TUBGCP3: variants seen among roughly 807,000 people sequenced by gnomAD.
TUBGCP3 encodes the protein gamma-tubulin complex component 3.
In TUBGCP3, 50 loss-of-function variants were observed where a neutral mutation model predicts 123.1. The ratio of observed to expected loss-of-function variants is 0.41; its 90% confidence interval spans 0.32 to 0.51. The LOEUF (loss-of-function observed/expected upper bound fraction) is 0.51. Ranked by LOEUF, TUBGCP3 falls within the 20% of genes least tolerant of loss-of-function variation. The probability of loss-of-function intolerance (pLI) is 0.36; values close to 1 mark genes in which losing one functional copy is unlikely to be tolerated. For synonymous variants in TUBGCP3, 405 were observed against 413.9 expected (o/e 0.98, Z 0.26); for missense variants, 882 against 1,127.0 (o/e 0.78, Z 3.11).
intron 1 of TUBGCP3, among the ~76,000 whole-genome samples, chr13:112,575,901 A>AC (rs1176706863): frequency 6.6e-6 from 1 of 152,054 alleles, no homozygotes; most frequent in Non-Finnish European, 1.5e-5. Context: ...GCGACGCAGC[A>AC]CCCCCCAGAG....
At chr13:112,531,086 T>C (rs1289496358) in intron 11 of TUBGCP3, among the ~76,000 whole-genome samples, 4 of 152,252 alleles carry the variant, frequency 2.6e-5, no homozygotes, top group Admixed American at 6.5e-5. Flanking sequence ...CACAGAAATC[T>C]ACTTCCAAGA....
intron 8 of TUBGCP3, among the ~76,000 whole-genome samples, chr13:112,550,615 T>C (rs960312459): frequency 1.3e-5 from 2 of 152,178 alleles, no homozygotes; most frequent in Admixed American, 6.5e-5. Context: ...TGCGGTAACG[T>C]AGGGCAAGCG....
rs1876869452 is a variant in TUBGCP3 at position 112,524,300 on chromosome 13, G to T, written c.1556-1791C>A. On this transcript the variant is annotated intron_variant, in intron 13 of 21. Coordinates refer to ENST00000261965, the MANE Select transcript of TUBGCP3 (RefSeq NM_006322.6). This position sits in a 1 kb window ranked among gnomAD's most constrained non-coding sequence, Gnocchi z 4.4. ...TTTTTTAGTGGCTGCCTTTTTTTAA[G>T]TGTTTTTGATCCTCAGTTGATTGAA... Among the ~76,000 whole-genome samples the T allele has an allele frequency of 6.6e-6, 1 of 152,036 alleles. No homozygotes were observed. Among genetic ancestry groups the T allele is most frequent in the Non-Finnish European group, 1.5e-5 (1 of 68,010 alleles).
At chr13:112,573,431 G>C (rs1409327818) in intron 1 of TUBGCP3, among the ~76,000 whole-genome samples, 1 of 152,038 alleles carries the variant, frequency 6.6e-6, no homozygotes, top group African/African-American at 2.4e-5. Context: ...ACCTGGAGTG[G>C]AATAAATGTC....
chr13:112,589,629 C>G (rs1882834100), upstream of TUBGCP3, among the ~76,000 whole-genome samples: 1 of 152,168 alleles, frequency 6.6e-6, no homozygotes, highest in African/African-American at 2.4e-5. Context: ...GATTTTTAAC[C>G]TTTTCTAGTC....
In TUBGCP3 at chr13:112,503,620, G is replaced by A. The variant is rs144612742; in HGVS notation, c.2307+412C>T. 8.6e-5 allele frequency among the ~76,000 whole-genome samples: 13 copies of A among 151,996 alleles called. No homozygotes were observed. In the East Asian group the frequency reaches 9.7e-4, roughly 11 times the overall value. On this transcript the variant is annotated intron_variant, in intron 19 of 21. Transcript: ENST00000261965. ...CGACCTCAGGTGATCCACCCGCCTC[G>A]GCCTCCCAAAGTGCTGGGATTACAA... is the stretch of plus-strand genomic sequence containing the variant.
At chr13:112,563,791 C>A (rs1455681562) in intron 3 of TUBGCP3, among the ~76,000 whole-genome samples, 1 of 151,374 alleles carries the variant, frequency 6.6e-6, no homozygotes. Flanking sequence ...AGGAGAATGG[C>A]GTGAACCCAG....
intron 1 of TUBGCP3, among the ~76,000 whole-genome samples, chr13:112,570,825 T>C (rs1037018265): frequency 1.3e-5 from 2 of 152,248 alleles, no homozygotes; most frequent in African/African-American, 2.4e-5. Flanking sequence ...CACTGTTTTA[T>C]CAACTAAGTT....
chr13:112,579,466 C>T (rs764326329), intron 1 of TUBGCP3, among the ~76,000 whole-genome samples: 7 of 135,764 alleles, frequency 5.2e-5, no homozygotes, highest in South Asian at 2.4e-4. Flanking sequence ...GCTGAGTGCC[C>T]GCGGGGCCAC....
intron 4 of TUBGCP3, among the ~76,000 whole-genome samples, chr13:112,558,740 G>T (rs1245142986): frequency 6.6e-6 from 1 of 152,120 alleles, no homozygotes; most frequent in Non-Finnish European, 1.5e-5. Flanking sequence ...CATCTATATG[G>T]TTTACATGTA....
intron 20 of TUBGCP3, among the ~76,000 whole-genome samples, chr13:112,492,575 G>A (rs1880170971): frequency 6.7e-6 from 1 of 149,442 alleles, no homozygotes; most frequent in South Asian, 2.1e-4. Flanking sequence ...AGGGCCTGGT[G>A]TGTCTGAGAC....
chr13:112,599,637 C>T, the TUBGCP3 span, among the ~76,000 whole-genome samples: 13 of 152,098 alleles, frequency 8.5e-5, no homozygotes, highest in Admixed American at 3.9e-4. Context: ...CTCCTGAGTA[C>T]CTGGGACTAC....
intron 17 of TUBGCP3, among the ~76,000 whole-genome samples, chr13:112,514,861 T>C (rs2139042319): frequency 6.6e-6 from 1 of 152,320 alleles, no homozygotes; most frequent in Non-Finnish European, 1.5e-5. Context: ...GCATTATTTA[T>C]ATCGGCAAAA....
At chr13:112,551,023 T>C (rs574428409) in intron 8 of TUBGCP3, among the ~76,000 whole-genome samples, 200 of 151,766 alleles carry the variant, frequency 1.3e-3, no homozygotes, top group Non-Finnish European at 2.3e-3. Flanking sequence ...GGCGTGAACA[T>C]GGGAGGCGGA....
chr13:112,541,838 T>C (rs1435302109), intron 11 of TUBGCP3, among the ~76,000 whole-genome samples: 3 of 152,204 alleles, frequency 2.0e-5, no homozygotes, highest in Non-Finnish European at 4.4e-5. Flanking sequence ...ATTAGAAAAG[T>C]TGAAATCGCC....
intron 20 of TUBGCP3, among the ~76,000 whole-genome samples, chr13:112,496,354 G>A (rs1880527537): frequency 6.6e-6 from 1 of 152,230 alleles, no homozygotes; most frequent in African/African-American, 2.4e-5. Context: ...GTGGCACCAG[G>A]GGGTGCAGCA....
chr13:112,587,609 C>G (rs955910404), intron 1 of TUBGCP3, among the ~76,000 whole-genome samples: 2 of 152,334 alleles, frequency 1.3e-5, no homozygotes, highest in African/African-American at 2.4e-5. Context: ...TCAGCCCGCT[C>G]CGGCTCGGCT....
chr13:112,548,975 C>T (rs183826782), intron 8 of TUBGCP3, among the ~76,000 whole-genome samples: 52 of 152,290 alleles, frequency 3.4e-4, no homozygotes, highest in African/African-American at 1.2e-3. Flanking sequence ...CCCAGCCATC[C>T]CATTAGTGGG....
intron 19 of TUBGCP3, among the ~76,000 whole-genome samples, chr13:112,502,434 C>A (rs2138993697): frequency 6.6e-6 from 1 of 152,170 alleles, no homozygotes; most frequent in South Asian, 2.1e-4. Context: ...TACAGAGAGG[C>A]AACGGCTGGC....
Sources: gnomAD v4.1 joint callset for allele counts (sites outside exome capture counted in the v4.1 genomes callset) on GRCh38, gnomAD v4.1.1 for gene constraint, Gnocchi (gnomAD v3.1) non-coding constraint, MANE v1.5 for transcripts, NCBI Gene and HGNC (gene_info 2026-07-23, HGNC 2026-07-21) for gene names.